The following PTPRD variants were observed in gnomAD, a reference collection of about 807,000 sequenced individuals.
PTPRD encodes receptor-type tyrosine-protein phosphatase delta.
PTPRD carries 34 observed loss-of-function variants against 214.5 expected under a neutral mutation model. The observed-to-expected ratio is 0.16, with a 90% CI of 0.12 to 0.21. The LOEUF is 0.21. PTPRD is among the 10% of genes least tolerant of loss of function. The pLI, the probability that PTPRD is intolerant of heterozygous loss-of-function variation, is 1.00. For synonymous variants in PTPRD, 1,128 were observed against 845.7 expected, an observed-to-expected ratio of 1.33 and a Z score of -5.79; for missense variants, 2,545 against 2,398.7, an observed-to-expected ratio of 1.06 and a Z score of -1.27.
chr9:8,847,956 A>G (rs72704326), intron 11 of PTPRD, among the ~76,000 whole-genome samples: 18,753 of 152,126 alleles, frequency 0.12, 1,475 homozygotes, highest in Middle Eastern at 0.19. Flanking sequence ...TGCTCTTCAG[A>G]TATCCCTGCT....
intron 44 of PTPRD, among the ~76,000 whole-genome samples, chr9:8,320,870 A>T (rs1826690667): frequency 6.6e-6 from 1 of 152,138 alleles, no homozygotes; most frequent in Non-Finnish European, 1.5e-5. Context: ...ATAATGAGGG[A>T]AACAGTGAAT....
intron 5 of PTPRD, among the ~76,000 whole-genome samples, chr9:9,932,281 G>T (rs10978104): frequency 0.26 from 38,550 of 147,626 alleles, 5,660 homozygotes; most frequent in Middle Eastern, 0.45. Flanking sequence ...ATTACTCTGA[G>T]CTACGGGAGG....
chr9:8,920,065 G>A (rs1166751987), intron 11 of PTPRD, among the ~76,000 whole-genome samples: 1 of 151,966 alleles, frequency 6.6e-6, no homozygotes, highest in Admixed American at 6.6e-5. Context: ...ATGAGGCTGG[G>A]TGCAGTGGCT....
At chr9:9,774,379 T>A (rs572942824) in intron 5 of PTPRD, among the ~76,000 whole-genome samples, 6 of 152,272 alleles carry the variant, frequency 3.9e-5, no homozygotes, top group African/African-American at 1.4e-4. Context: ...AGTGCACTGG[T>A]GAAAGTGCAA....
chr9:8,602,580 T>C (rs1009949709), intron 14 of PTPRD, among the ~76,000 whole-genome samples: 3 of 152,226 alleles, frequency 2.0e-5, no homozygotes, highest in Admixed American at 6.5e-5. Flanking sequence ...AATCAGCATG[T>C]TTTTATCTGA....
chr9:9,021,472 G>A (rs2099569350), intron 10 of PTPRD, among the ~76,000 whole-genome samples: 1 of 152,086 alleles, frequency 6.6e-6, no homozygotes, highest in African/African-American at 2.4e-5. Flanking sequence ...GATAATCAAT[G>A]ACTATGTTAC....
intron 3 of PTPRD, among the ~76,000 whole-genome samples, chr9:10,200,296 C>T (rs1383237124): frequency 6.6e-6 from 1 of 152,042 alleles, no homozygotes; most frequent in Non-Finnish European, 1.5e-5. Context: ...ACATATAGAT[C>T]AGTGGTTTTC....
At chr9:9,217,441 A>G (rs964806254) in intron 9 of PTPRD, among the ~76,000 whole-genome samples, 2 of 152,106 alleles carry the variant, frequency 1.3e-5, no homozygotes, top group African/African-American at 4.8e-5. Flanking sequence ...TGTTCCTTGG[A>G]ATAAACCTGA....
intron 10 of PTPRD, among the ~76,000 whole-genome samples, chr9:9,179,361 T>G (rs2099926774): frequency 6.6e-6 from 1 of 152,104 alleles, no homozygotes; most frequent in Non-Finnish European, 1.5e-5. Flanking sequence ...TATTTCCAAA[T>G]GCAGACATTT....
At chr9:9,974,718 C>G (rs1374752491) in intron 4 of PTPRD, among the ~76,000 whole-genome samples, 1 of 152,128 alleles carries the variant, frequency 6.6e-6, no homozygotes, top group African/African-American at 2.4e-5. Flanking sequence ...TCTACCCTAC[C>G]TAGACTGTGA....
chr9:9,944,063 C>T (rs569413468), intron 4 of PTPRD, among the ~76,000 whole-genome samples: 5 of 152,256 alleles, frequency 3.3e-5, no homozygotes, highest in South Asian at 2.1e-4. Context: ...ATGAGCCCAA[C>T]GACTGGTAAA....
At chr9:10,382,917 G>A (rs2097850142) in intron 2 of PTPRD, among the ~76,000 whole-genome samples, 1 of 145,228 alleles carries the variant, frequency 6.9e-6, no homozygotes, top group African/African-American at 2.5e-5. Flanking sequence ...GGTGTAGAGT[G>A]AGGAGAGAGA....
intron 12 of PTPRD, among the ~76,000 whole-genome samples, chr9:8,677,083 T>G (rs1236323896): frequency 4.6e-5 from 7 of 152,194 alleles, no homozygotes; most frequent in Non-Finnish European, 1.0e-4. Context: ...ATACCTAAGA[T>G]AGCCATAAAG....
intron 4 of PTPRD, among the ~76,000 whole-genome samples, chr9:9,948,073 G>T (rs1328307086): frequency 6.6e-6 from 1 of 151,946 alleles, no homozygotes; most frequent in Non-Finnish European, 1.5e-5. Context: ...AAAGGAGAAA[G>T]CTCAGAACAT....
intron 3 of PTPRD, among the ~76,000 whole-genome samples, chr9:10,254,911 T>C (rs933688122): frequency 6.6e-6 from 1 of 152,234 alleles, no homozygotes; most frequent in Admixed American, 6.5e-5. Flanking sequence ...TGTTCTCTGA[T>C]GACTTTTAAG....
intron 24 of PTPRD, 68 bp from the exon 25 acceptor site, chr9:8,499,908 AT>A (rs2097356667): frequency 1.5e-6 from 2 of 1,367,996 alleles, no homozygotes; most frequent in Admixed American, 5.0e-5. Context: ...CATTTTCTGC[AT>A]TTTCTTTACT....
At chr9:10,168,549 G>C (rs944381446) in intron 3 of PTPRD, among the ~76,000 whole-genome samples, 1 of 152,142 alleles carries the variant, frequency 6.6e-6, no homozygotes, top group African/African-American at 2.4e-5. Flanking sequence ...CACAAGAACA[G>C]CATCTTTTGT....
At chr9:9,715,263 G>A (rs2097797855) in intron 7 of PTPRD, among the ~76,000 whole-genome samples, 1 of 152,254 alleles carries the variant, frequency 6.6e-6, no homozygotes, top group South Asian at 2.1e-4. Flanking sequence ...CAATTTGAAG[G>A]AAGACAATAC....
intron 8 of PTPRD, among the ~76,000 whole-genome samples, chr9:9,459,419 G>C (rs982013507): frequency 6.6e-6 from 1 of 151,946 alleles, no homozygotes; most frequent in Non-Finnish European, 1.5e-5. Context: ...AATTATCTCC[G>C]TTTTCTGACA....
Sources: gnomAD v4.1 joint callset for allele counts (sites outside exome capture counted in the v4.1 genomes callset) on GRCh38, gnomAD v4.1.1 for gene constraint, MANE v1.5 for transcripts, NCBI Gene and HGNC (gene_info 2026-07-23, HGNC 2026-07-21) for gene names.